Variants in YY1 observed in about 807,000 individuals in gnomAD.
YY1 encodes transcriptional repressor protein YY1.
A neutral mutation model predicts 35.6 loss-of-function variants in YY1; 2 were observed. That is an observed-to-expected ratio of 0.06 (90% confidence interval 0.02 to 0.18). The LOEUF is 0.18. Ranked by LOEUF, YY1 falls within the 10% of genes least tolerant of loss-of-function variation. YY1 has a pLI of 1.00. For missense variants in YY1, 322 were observed against 573.4 expected (o/e 0.56, Z 4.48); for synonymous variants, 268 against 238.9 (o/e 1.12, Z -1.12).
At position 100,282,553 on chromosome 14, in the gene YY1, G is replaced by C. The variant is rs1891456054; in HGVS notation, c.*4953G>C. 6.6e-6 allele frequency: 1 copy of C among 152,182 alleles called. No homozygotes were observed. Among genetic ancestry groups the C allele is most frequent in the East Asian group, 1.9e-4 (1 of 5,202 alleles). The allele number at this position is 152,182 out of a possible 1,614,324, so 9.4% of individuals were successfully genotyped here. A position where few individuals can be genotyped will look rare whatever the true frequency, so the allele number is the denominator to read the frequency against. Reference sequence around the variant, plus strand: ...TAACTTCTGTAGGCCCTGGCTCAAGGACTTAGCATTTCGTCTCATGTACAT... The same window carrying C: ...TAACTTCTGTAGGCCCTGGCTCAAGCACTTAGCATTTCGTCTCATGTACAT... On this transcript the variant is annotated 3_prime_UTR_variant, in exon 5 of 5. Transcript: ENST00000262238.
At chr14:100,270,807 C>T (rs1487413211) in intron 2 of YY1, among the ~76,000 whole-genome samples, 1 of 152,090 alleles carries the variant, frequency 6.6e-6, no homozygotes, top group African/African-American at 2.4e-5. Context: ...GAGTCCTAGG[C>T]AGGTGGATTG....
chr14:100,260,771 C>CTTT lies in YY1; in HGVS notation c.680-1496_680-1494dup, dbSNP rs71113254. On this transcript the variant is annotated intron_variant, in intron 1 of 4. Coordinates refer to ENST00000262238, the MANE Select transcript of YY1 (RefSeq NM_003403.5). Reference sequence around the variant, plus strand: ...CAGGTGTGAGCCACCGTGCCTGGTCCTTTTTTTTTTTTTTTTTTTTTTTTT... The same window carrying CTTT: ...CAGGTGTGAGCCACCGTGCCTGGTCCTTTTTTTTTTTTTTTTTTTTTTTTTTTT... 7.8e-4 allele frequency among the ~76,000 whole-genome samples: 33 copies of CTTT among 42,568 alleles called. 9 individuals carry two copies. The highest frequency in any genetic ancestry group is 1.4e-3 in the East Asian group (2 of 1,382). 27.9% of individuals were successfully genotyped at this position (42,568 alleles called of 152,430 possible). A position where few individuals can be genotyped will look rare whatever the true frequency, so the allele number is the denominator to read the frequency against.
intron 2 of YY1, among the ~76,000 whole-genome samples, chr14:100,270,499 T>G (rs1285507163): frequency 6.7e-6 from 1 of 148,680 alleles, no homozygotes; most frequent in Non-Finnish European, 1.5e-5. Context: ...GGCACGCGCC[T>G]GTAATCCCAG....
At chr14:100,272,685 G>A (rs1451286229) in intron 2 of YY1, among the ~76,000 whole-genome samples, 1 of 149,260 alleles carries the variant, frequency 6.7e-6, no homozygotes, top group Non-Finnish European at 1.5e-5. Context: ...AATAGCTTTT[G>A]GTGTATAAGT....
At chr14:100,272,094 A>G (rs919640860) in intron 2 of YY1, among the ~76,000 whole-genome samples, 1 of 152,110 alleles carries the variant, frequency 6.6e-6, no homozygotes, top group African/African-American at 2.4e-5. Flanking sequence ...CAGGAGATCA[A>G]GACCATCCTG....
chr14:100,242,208 C>T (rs1890757791), intron 1 of YY1, among the ~76,000 whole-genome samples: 1 of 151,980 alleles, frequency 6.6e-6, no homozygotes, highest in African/African-American at 2.4e-5. Context: ...ATTGCTGGTC[C>T]ACTTTTCCAC....
In YY1 at chr14:100,279,098, A is replaced by G. The variant is rs968606105; in HGVS notation, c.*1498A>G. On this transcript the variant is annotated 3_prime_UTR_variant, in exon 5 of 5. Coordinates refer to ENST00000262238, the MANE Select transcript of YY1 (RefSeq NM_003403.5). The stretch of plus-strand genomic sequence containing the variant: ...TATTAGAAAATTCTGCTCAATGAGT[A>G]CCTCTCACATTGTAACCTCTTAAAT... 5 of 152,206 alleles carry G rather than the reference A, an allele frequency of 3.3e-5. No homozygotes were observed. The highest frequency in any genetic ancestry group is 1.2e-4 in the African/African-American group (5 of 41,440). The allele number at this position is 152,206 out of a possible 1,614,324, so 9.4% of individuals were successfully genotyped here.
At chr14:100,269,610 T>G (rs1891204747) in intron 2 of YY1, among the ~76,000 whole-genome samples, 1 of 152,172 alleles carries the variant, frequency 6.6e-6, no homozygotes, top group Admixed American at 6.5e-5. Flanking sequence ...CCTAAGTATA[T>G]TTTTGAAAAA....
chr14:100,262,750 T>A (rs530484831), intron 2 of YY1, among the ~76,000 whole-genome samples: 1 of 152,022 alleles, frequency 6.6e-6, no homozygotes, highest in African/African-American at 2.4e-5. Context: ...TTTTTAGTAG[T>A]AACTATGCTA....
chr14:100,265,981 G>A lies in YY1; in HGVS notation c.842+3515G>A, dbSNP rs114144575. 4.2e-3 allele frequency among the ~76,000 whole-genome samples: 645 copies of A among 152,140 alleles called. 5 individuals carry two copies. Among genetic ancestry groups the A allele is most frequent in the African/African-American group, 0.015 (608 of 41,514 alleles). On this transcript the variant is annotated intron_variant, in intron 2 of 4. Coordinates refer to ENST00000262238, the MANE Select transcript of YY1 (RefSeq NM_003403.5). ...TTTAAATTACAATTGTGATTCTCCC[G>A]TGTCCACATGGCTGGGGAGGCCTCA...
chr14:100,254,145 T>C (rs1890966525), intron 1 of YY1, among the ~76,000 whole-genome samples: 1 of 152,196 alleles, frequency 6.6e-6, no homozygotes, highest in Non-Finnish European at 1.5e-5. Context: ...CAAGATATTT[T>C]TTTGAACAAA....
At chr14:100,258,830 A>G (rs539410030) in intron 1 of YY1, among the ~76,000 whole-genome samples, 13 of 152,368 alleles carry the variant, frequency 8.5e-5, no homozygotes, top group South Asian at 2.1e-4. Flanking sequence ...AAAGTTTACA[A>G]TTGTATTCAG....
At chr14:100,273,203 G>A (rs1891270676) in intron 2 of YY1, among the ~76,000 whole-genome samples, 2 of 152,068 alleles carry the variant, frequency 1.3e-5, no homozygotes, top group Non-Finnish European at 2.9e-5. Context: ...GGCCTCAAGT[G>A]ATCCATCTAC....
chr14:100,260,166 T>TC (rs1295434770), intron 1 of YY1, among the ~76,000 whole-genome samples: 1 of 151,990 alleles, frequency 6.6e-6, no homozygotes, highest in Non-Finnish European at 1.5e-5. Context: ...AACCTCCACT[T>TC]CCCGGGTTTA....
chr14:100,245,139 T>C (rs1377193070), intron 1 of YY1, among the ~76,000 whole-genome samples: 1 of 151,954 alleles, frequency 6.6e-6, no homozygotes, highest in Non-Finnish European at 1.5e-5. Flanking sequence ...GGTTTCACCA[T>C]GTTAGCCAGG....
intron 1 of YY1, among the ~76,000 whole-genome samples, chr14:100,252,581 A>C (rs955276532): frequency 2.4e-4 from 36 of 152,172 alleles, no homozygotes; most frequent in South Asian, 4.1e-4. Flanking sequence ...TTTGGGTAGA[A>C]GTTCCTAACA....
chr14:100,255,245 G>A (rs762558073), intron 1 of YY1, among the ~76,000 whole-genome samples: 2 of 152,052 alleles, frequency 1.3e-5, no homozygotes, highest in Non-Finnish European at 2.9e-5. Flanking sequence ...TTACGAGAAT[G>A]TACAATAACC....
chr14:100,239,834 G>GCGC lies in YY1; in HGVS notation c.593_595dup (p.Ala198dup), dbSNP rs1890700278. 6.7e-7 allele frequency: 1 copy of GCGC among 1,491,082 alleles called. No individual in the cohort carries two copies. The highest frequency in any genetic ancestry group is 8.9e-7 in the Non-Finnish European group (1 of 1,127,276). The allele number at this position is 1,491,082 out of a possible 1,614,324, so 92.4% of individuals were successfully genotyped here. A position where few individuals can be genotyped will look rare whatever the true frequency, so the allele number is the denominator to read the frequency against. On this transcript the variant is annotated inframe_insertion, in exon 1 of 5. Transcript: ENST00000262238. ...GGGGCCGGCGCGGCGGGCGGCGGCG[G>GCGC]CGCCGACCCGGGCAACAAGAAGTGG...
intron 2 of YY1, 54 bp downstream of exon 2, chr14:100,262,520 C>A: frequency 6.3e-7 from 1 of 1,579,894 alleles, no homozygotes; most frequent in Non-Finnish European, 8.7e-7. Flanking sequence ...TTGAGTCTTG[C>A]CAGCTATGTT....
Sources: allele counts gnomAD v4.1 joint callset (sites outside exome capture counted in the v4.1 genomes callset), GRCh38; gene constraint gnomAD v4.1.1; transcripts MANE v1.5; gene names NCBI Gene and HGNC (gene_info 2026-07-23, HGNC 2026-07-21).